The following PRKG1 variants were observed in gnomAD, a reference collection of about 807,000 sequenced individuals.
PRKG1 encodes the protein cGMP-dependent protein kinase 1.
A neutral mutation model predicts 88.1 loss-of-function variants in PRKG1; 35 were observed. The ratio of observed to expected loss-of-function variants is 0.40; its 90% CI spans 0.30 to 0.53. The LOEUF (loss-of-function observed/expected upper bound fraction) is 0.53. Ranked by LOEUF, PRKG1 falls within the 20% of genes least tolerant of loss-of-function variation. PRKG1 has a pLI of 0.59. For synonymous variants in PRKG1, 303 were observed against 292.5 expected, an observed-to-expected ratio of 1.04 and a Z score of -0.37; for missense variants, 540 against 839.8, an observed-to-expected ratio of 0.64 and a Z score of 4.41.
At chr10:52,217,275 G>A (rs1403432386) in intron 9 of PRKG1, among the ~76,000 whole-genome samples, 2 of 151,970 alleles carry the variant, frequency 1.3e-5, no homozygotes, top group Non-Finnish European at 2.9e-5. Context: ...TCCTGGGAGA[G>A]GCTAGAGTTA....
intron 2 of PRKG1, among the ~76,000 whole-genome samples, chr10:51,273,500 G>A (rs1390493588): frequency 6.6e-6 from 1 of 152,072 alleles, no homozygotes; most frequent in Non-Finnish European, 1.5e-5. Flanking sequence ...TTCCCACCTG[G>A]GTGACAGAGA....
At chr10:52,227,898 C>T (rs183662854) in intron 9 of PRKG1, among the ~76,000 whole-genome samples, 64 of 152,194 alleles carry the variant, frequency 4.2e-4, no homozygotes, top group African/African-American at 1.4e-3. Context: ...GCAATGAAAA[C>T]GTGGTAATTT....
intron 2 of PRKG1, among the ~76,000 whole-genome samples, chr10:51,378,395 T>C (rs1001293371): frequency 6.6e-6 from 1 of 152,128 alleles, no homozygotes; most frequent in African/African-American, 2.4e-5. Flanking sequence ...AAGTGTGCAG[T>C]TTTCCATAGC....
intron 5 of PRKG1, among the ~76,000 whole-genome samples, chr10:51,933,186 G>GC (rs2133009478): frequency 6.6e-6 from 1 of 152,210 alleles, no homozygotes; most frequent in South Asian, 2.1e-4. Context: ...CTTTACTAAA[G>GC]GGGCCTCCTG....
intron 2 of PRKG1, among the ~76,000 whole-genome samples, chr10:51,401,592 T>TTAAG (rs1428076496): frequency 1.3e-5 from 2 of 152,158 alleles, no homozygotes; most frequent in Non-Finnish European, 2.9e-5. Context: ...AAACTGTTTT[T>TTAAG]TAAGTTTGTT....
chr10:51,012,006 A>G (rs915502772), intron 1 of PRKG1, among the ~76,000 whole-genome samples: 9 of 152,220 alleles, frequency 5.9e-5, no homozygotes, highest in African/African-American at 2.2e-4. Context: ...TGAAACCATC[A>G]GATCTCATGA....
At chr10:51,431,011 T>C (rs538816618) in intron 2 of PRKG1, among the ~76,000 whole-genome samples, 1 of 152,188 alleles carries the variant, frequency 6.6e-6, no homozygotes, top group Non-Finnish European at 1.5e-5. Flanking sequence ...TGGATTGTTG[T>C]GGTTGCACAA....
rs150971179 is a variant in PRKG1, at chr10:51,799,972, G to T, written c.593-4613G>T. On this transcript the variant is annotated intron_variant, in intron 3 of 17. Transcript: ENST00000373980. Reference sequence around the variant, plus strand: ...CTGTGATGACATTTAATGATGAATAGTGATATAATTTATTAAAACTAAGAT... The same window carrying T: ...CTGTGATGACATTTAATGATGAATATTGATATAATTTATTAAAACTAAGAT... Among the ~76,000 whole-genome samples, 5 of 152,168 alleles carry T rather than the reference G, an allele frequency of 3.3e-5. No individual in the cohort carries two copies. In the South Asian group the frequency reaches 8.3e-4, roughly 25 times the overall value.
At chr10:52,128,330 T>C in intron 7 of PRKG1, 1 of 985,416 alleles carries the variant, frequency 1.0e-6, no homozygotes, top group Non-Finnish European at 1.2e-6. Flanking sequence ...TCAACTATGT[T>C]CTGCTTTGGC....
At chr10:51,802,282 C>T (rs1437158249) in intron 3 of PRKG1, among the ~76,000 whole-genome samples, 1 of 152,150 alleles carries the variant, frequency 6.6e-6, no homozygotes, top group African/African-American at 2.4e-5. Flanking sequence ...GTTTTGGTAT[C>T]ATGCCCAAGG....
At chr10:51,802,845 A>G (rs1156565185) in intron 3 of PRKG1, among the ~76,000 whole-genome samples, 2 of 152,180 alleles carry the variant, frequency 1.3e-5, no homozygotes, top group Non-Finnish European at 2.9e-5. Flanking sequence ...AAAATGCTGC[A>G]GATAGCTTGG....
chr10:51,891,779 T>A (rs1841728451), intron 4 of PRKG1, among the ~76,000 whole-genome samples: 1 of 152,192 alleles, frequency 6.6e-6, no homozygotes, highest in Non-Finnish European at 1.5e-5. Context: ...CCAGCAAGCA[T>A]GACTATATTT....
intron 3 of PRKG1, among the ~76,000 whole-genome samples, chr10:51,523,352 G>A: frequency 6.6e-6 from 1 of 152,144 alleles, no homozygotes; most frequent in Non-Finnish European, 1.5e-5. Flanking sequence ...TTCAGCTCAG[G>A]AAATGTATTT....
intron 9 of PRKG1, among the ~76,000 whole-genome samples, chr10:52,168,446 C>G (rs1838556936): frequency 1.3e-5 from 2 of 152,138 alleles, no homozygotes; most frequent in African/African-American, 4.8e-5. Flanking sequence ...TGCCTGAGAC[C>G]TAGAACAAAA....
In PRKG1 at chr10:52,260,118, A is replaced by G. The variant is rs561408670; in HGVS notation, c.1173+8452A>G. On this transcript the variant is annotated intron_variant, in intron 10 of 17. Coordinates refer to ENST00000373980, the MANE Select transcript of PRKG1 (RefSeq NM_006258.4). ...CCCCATCCTCCCCACCCTCATTCCC[A>G]TTCCCCCAGCCCTGTCTCCCAGCAC... Among the ~76,000 whole-genome samples, 3 of 151,634 alleles carry G rather than the reference A, an allele frequency of 2.0e-5. No individual in the cohort carries two copies. The South Asian group carries it at 6.2e-4, about 32-fold the overall frequency.
At chr10:51,097,138 C>T (rs1376516814) in intron 1 of PRKG1, among the ~76,000 whole-genome samples, 6 of 152,148 alleles carry the variant, frequency 3.9e-5, no homozygotes, top group Non-Finnish European at 7.3e-5. Flanking sequence ...GCATATAATG[C>T]TGGTTGGCCA....
chr10:51,401,811 T>A (rs1235028204), intron 2 of PRKG1, among the ~76,000 whole-genome samples: 1 of 152,174 alleles, frequency 6.6e-6, no homozygotes, highest in Non-Finnish European at 1.5e-5. Flanking sequence ...AAATAGGAAC[T>A]CTAGGTTTTC....
Position 52,288,846 on chromosome 10 carries a change from C to A in PRKG1, c.1830C>A (p.Cys610Ter). The A allele has an allele frequency of 6.3e-7, 1 of 1,598,876 alleles. No homozygotes were observed. Among genetic ancestry groups the A allele is most frequent in the Non-Finnish European group, 8.5e-7 (1 of 1,174,384 alleles). The change falls in exon 15 of 18, where the codon TGC becomes TGA. Residue 610 changes from cysteine to a stop codon, truncating the protein, a stop_gained and splice_region_variant. Transcript: ENST00000373980. LOFTEE classifies it high-confidence loss of function. The stretch of plus-strand genomic sequence containing the variant: ...CTGCTAATTTAATTAAAAAACTATG[C>A]AGGTAAGTATTTCAACCACATTATT... ...KNAANLIKKL[C>*]RDNPSERLGN... is the part of the protein sequence containing the mutation.
intron 2 of PRKG1, among the ~76,000 whole-genome samples, chr10:51,392,916 C>T (rs1219737044): frequency 1.3e-5 from 1 of 74,990 alleles, no homozygotes; most frequent in Admixed American, 1.2e-4. Context: ...GGCTGACCAC[C>T]CCCACCTCCC....
Sources: allele counts gnomAD v4.1 joint callset (sites outside exome capture counted in the v4.1 genomes callset), GRCh38; gene constraint gnomAD v4.1.1; transcripts MANE v1.5; gene names NCBI Gene and HGNC (gene_info 2026-07-23, HGNC 2026-07-21).